FAR1: variants seen among roughly 807,000 people sequenced by gnomAD.
FAR1 encodes the protein fatty acyl-CoA reductase 1, also known as male sterility domain-containing protein 2.
FAR1 carries 22 observed loss-of-function variants against 61.1 expected under a neutral mutation model. The observed-to-expected ratio is 0.36, with a 90% CI of 0.26 to 0.51. FAR1 has a LOEUF of 0.51. Among genes scored for constraint, FAR1 ranks in the 20% least tolerant of loss-of-function variants. The pLI, the probability that FAR1 is intolerant of heterozygous loss-of-function variation, is 0.95. For synonymous variants in FAR1, 206 were observed against 209.7 expected (o/e 0.98, Z 0.15); for missense variants, 359 against 626.9 (o/e 0.57, Z 4.56).
At chr11:13,686,215 C>T (rs1357559749) in intron 1 of FAR1, among the ~76,000 whole-genome samples, 1 of 152,146 alleles carries the variant, frequency 6.6e-6, no homozygotes, top group Non-Finnish European at 1.5e-5. Context: ...GAGAGAGAGA[C>T]AGTTTGTGCT....
chr11:13,670,195 G>C (rs538709495), intron 1 of FAR1: 2 of 151,666 alleles, frequency 1.3e-5, no homozygotes, highest in South Asian at 4.2e-4. Context: ...GCCTCTCAAA[G>C]GCTTGGGATT....
chr11:13,724,643 CACTT>C lies in FAR1; in HGVS notation c.1257+2789_1257+2792del, dbSNP rs200983568. Among the ~76,000 whole-genome samples, 716 of 151,982 alleles carry C rather than the reference CACTT, an allele frequency of 4.7e-3. 4 individuals carry two copies. Among genetic ancestry groups the C allele is most frequent in the African/African-American group, 0.017 (684 of 41,446 alleles). ...CCAGTGCCAGCTTCCTTTCTCTTCC[CACTT>C]ACTTTTTTTATTTTCATAATGTTTT... On this transcript the variant is annotated intron_variant, in intron 10 of 11. Transcript: ENST00000354817.
Position 13,719,045 on chromosome 11 carries a change from G to GTGT in FAR1, c.1128-2685_1128-2684insTGT, listed in dbSNP as rs1434495105. On this transcript the variant is annotated intron_variant, in intron 9 of 11. Transcript: ENST00000354817. ...CTCTACACCTTTCTGACCTAGCCTC[G>GTGT]GAAGTCACATCATGTCACTTCCACC... Among the ~76,000 whole-genome samples, 15 of 152,232 alleles carry GTGT rather than the reference G, an allele frequency of 9.9e-5. No homozygotes were observed. In the East Asian group the frequency reaches 2.9e-3, roughly 29 times the overall value.
rs575305583 is a variant in FAR1 at position 13,689,968 on chromosome 11, C to T, written c.-7-4791C>T. ...TTGGCTCACTGCAACCTCCGTATCC[C>T]GGGCTCAAGCAATTCTCCTGCCTCA... On this transcript the variant is annotated intron_variant, in intron 1 of 11. Coordinates refer to ENST00000354817, the MANE Select transcript of FAR1 (RefSeq NM_032228.6). Among the ~76,000 whole-genome samples the T allele has an allele frequency of 1.3e-3, 203 of 151,692 alleles. 1 individual carries two copies. The highest frequency in any genetic ancestry group is 4.6e-3 in the African/African-American group (190 of 41,330).
intron 2 of FAR1, among the ~76,000 whole-genome samples, chr11:13,699,386 T>C (rs1235367494): frequency 3.3e-5 from 5 of 152,204 alleles, no homozygotes; most frequent in Admixed American, 3.3e-4. Context: ...ATTCAAGTCA[T>C]GTGCTAGCAG....
At chr11:13,728,590 T>TA in intron 11 of FAR1, 22 bp from the exon 12 acceptor site, 1 of 1,604,338 alleles carries the variant, frequency 6.2e-7, no homozygotes, top group Non-Finnish European at 8.5e-7. Context: ...CTGTCTAACA[T>TA]ATCTCTTGAT....
intron 1 of FAR1, among the ~76,000 whole-genome samples, chr11:13,675,840 T>C (rs1295470306): frequency 6.6e-6 from 1 of 152,216 alleles, no homozygotes; most frequent in Non-Finnish European, 1.5e-5. Context: ...GTTGGCATAA[T>C]TCATGAGAAA....
At chr11:13,703,916 C>T (rs1233362651) in intron 3 of FAR1, among the ~76,000 whole-genome samples, 6 of 151,806 alleles carry the variant, frequency 4.0e-5, no homozygotes, top group Admixed American at 2.0e-4. Context: ...TGGTGGCACA[C>T]GCCTGTAATC....
At chr11:13,707,803 T>C in intron 3 of FAR1, 97 bp from the exon 4 acceptor site, 1 of 844,454 alleles carries the variant, frequency 1.2e-6, no homozygotes, top group Non-Finnish European at 1.6e-6. Flanking sequence ...AACAAAAATT[T>C]CTCTGTCTCT....
In FAR1 at chr11:13,712,051, A is replaced by C; in HGVS notation, c.887+5A>C. 1.3e-6 allele frequency: 2 copies of C among 1,564,032 alleles called. No homozygotes were observed. The highest frequency in any genetic ancestry group is 1.8e-6 in the Non-Finnish European group (2 of 1,134,832). ...CTGGTATTCCGGAGTTAATAGGTAT[A>C]TGAGGTGACAATGTCGCTTATTAAA... On this transcript the variant is annotated splice_donor_5th_base_variant and intron_variant, in intron 7 of 11. Coordinates refer to ENST00000354817, the MANE Select transcript of FAR1 (RefSeq NM_032228.6).
intron 5 of FAR1, 137 bp downstream of exon 5, chr11:13,711,007 T>A: frequency 1.5e-6 from 1 of 689,436 alleles, no homozygotes; most frequent in South Asian, 2.0e-5. Context: ...CTGTTTTGTG[T>A]TCATAGAGTT....
intron 1 of FAR1, among the ~76,000 whole-genome samples, chr11:13,678,274 T>C (rs973205779): frequency 6.6e-6 from 1 of 151,266 alleles, no homozygotes; most frequent in African/African-American, 2.4e-5. Flanking sequence ...TCATGTTTTC[T>C]TTTTTTTTGA....
intron 1 of FAR1, among the ~76,000 whole-genome samples, chr11:13,686,130 C>T (rs1158727767): frequency 2.0e-5 from 3 of 152,112 alleles, no homozygotes; most frequent in Non-Finnish European, 2.9e-5. Context: ...TCACCCTACC[C>T]GTATAGACGT....
At chr11:13,717,095 A>G (rs1010096851) in intron 9 of FAR1, among the ~76,000 whole-genome samples, 1 of 151,522 alleles carries the variant, frequency 6.6e-6, no homozygotes, top group African/African-American at 2.4e-5. Flanking sequence ...AAAACAATTC[A>G]TATTTCTTCT....
Position 13,710,882 on chromosome 11 carries a change from G to A in FAR1, c.723+12G>A. 1.2e-6 allele frequency: 2 copies of A among 1,605,662 alleles called. No homozygotes were observed. Among genetic ancestry groups the A allele is most frequent in the Non-Finnish European group, 1.7e-6 (2 of 1,177,156 alleles). ...AAGAACCTTTTCCAGTAAGTTGTTA[G>A]AAACCTTTATAAATAACTGGAGTTG... is the stretch of plus-strand genomic sequence containing the variant. On this transcript the variant is annotated intron_variant, in intron 5 of 11. Coordinates refer to ENST00000354817, the MANE Select transcript of FAR1 (RefSeq NM_032228.6).
chr11:13,684,964 A>G (rs906443540), intron 1 of FAR1, among the ~76,000 whole-genome samples: 1 of 152,188 alleles, frequency 6.6e-6, no homozygotes, highest in Admixed American at 6.5e-5. Context: ...ACCTTACCTT[A>G]TTAACTCTAC....
intron 1 of FAR1, among the ~76,000 whole-genome samples, chr11:13,690,105 G>A (rs1231016533): frequency 6.6e-6 from 1 of 151,946 alleles, no homozygotes; most frequent in Non-Finnish European, 1.5e-5. Context: ...CTGAACTCCT[G>A]ACCTCAGGTA....
intron 1 of FAR1, among the ~76,000 whole-genome samples, chr11:13,670,369 A>C (rs1420452426): frequency 6.6e-6 from 1 of 151,944 alleles, no homozygotes. Flanking sequence ...GCTCGCTGCA[A>C]CCTCCACCTC....
intron 3 of FAR1, among the ~76,000 whole-genome samples, chr11:13,703,455 G>T (rs1848398400): frequency 6.6e-6 from 1 of 152,150 alleles, no homozygotes; most frequent in Admixed American, 6.5e-5. Context: ...TTTACTGTTG[G>T]GGGGAAGTTT....
Sources: allele counts gnomAD v4.1 joint callset (sites outside exome capture counted in the v4.1 genomes callset), GRCh38; gene constraint gnomAD v4.1.1; transcripts MANE v1.5; gene names NCBI Gene and HGNC (gene_info 2026-07-23, HGNC 2026-07-21).